The following MAP2 variants were observed in gnomAD, a reference collection of about 807,000 sequenced individuals.
The protein encoded by MAP2 is microtubule associated protein 2.
A neutral mutation model predicts 137.6 loss-of-function variants in MAP2; 14 were observed. The observed-to-expected ratio is 0.10, with a 90% CI of 0.07 to 0.16. MAP2 has a LOEUF of 0.16. Among genes scored for constraint, MAP2 ranks in the 10% least tolerant of loss-of-function variants. MAP2 has a pLI of 1.00. For synonymous variants in MAP2, 786 were observed against 782.3 expected (o/e 1.00, Z -0.08); for missense variants, 2,088 against 2,191.5 (o/e 0.95, Z 0.94).
intron 1 of MAP2, among the ~76,000 whole-genome samples, chr2:209,479,539 A>G (rs1268099615): frequency 6.6e-6 from 1 of 152,190 alleles, no homozygotes; most frequent in African/African-American, 2.4e-5. Context: ...CATGGTAGTT[A>G]GATTTGCTTC....
intron 1 of MAP2, among the ~76,000 whole-genome samples, chr2:209,495,919 C>G (rs1303185107): frequency 1.3e-5 from 2 of 152,122 alleles, no homozygotes; most frequent in Non-Finnish European, 2.9e-5. Flanking sequence ...ACTGCATCAC[C>G]TAGTCATTTT....
chr2:209,488,687 C>A (rs968530182), intron 1 of MAP2, among the ~76,000 whole-genome samples: 34 of 152,174 alleles, frequency 2.2e-4, no homozygotes, highest in Admixed American at 3.3e-4. Context: ...TTGGACTGGG[C>A]AGAGCCCACC....
intron 1 of MAP2, among the ~76,000 whole-genome samples, chr2:209,433,570 T>A (rs1195052713): frequency 6.6e-6 from 1 of 152,142 alleles, no homozygotes; most frequent in Admixed American, 6.6e-5. Flanking sequence ...AAAGCAGAAT[T>A]TTTTTAGAAT....
intron 5 of MAP2, among the ~76,000 whole-genome samples, chr2:209,658,112 C>T (rs1299744915): frequency 2.6e-5 from 4 of 152,170 alleles, no homozygotes; most frequent in African/African-American, 9.6e-5. Flanking sequence ...GGCCCAAACT[C>T]GTATTAGAAC....
chr2:209,493,906 C>A (rs1352695566), intron 1 of MAP2, among the ~76,000 whole-genome samples: 1 of 152,120 alleles, frequency 6.6e-6, no homozygotes, highest in Non-Finnish European at 1.5e-5. Context: ...CCAGGAATAC[C>A]ATTTGGCCCA....
intron 2 of MAP2, among the ~76,000 whole-genome samples, chr2:209,510,061 A>C (rs555189126): frequency 6.6e-6 from 1 of 151,752 alleles, no homozygotes; most frequent in Non-Finnish European, 1.5e-5. Context: ...TGAAATCTAG[A>C]AACAAGGAAG....
intron 2 of MAP2, among the ~76,000 whole-genome samples, chr2:209,566,757 A>C (rs2073508480): frequency 6.6e-6 from 1 of 151,880 alleles, no homozygotes; most frequent in Non-Finnish European, 1.5e-5. Flanking sequence ...TTTCTGTTGT[A>C]AGATAAGTTT....
chr2:209,709,704 G>A (rs780381236), intron 12 of MAP2, among the ~76,000 whole-genome samples: 1 of 151,948 alleles, frequency 6.6e-6, no homozygotes, highest in Non-Finnish European at 1.5e-5. Flanking sequence ...TCTTTGTGTT[G>A]ATAGCAATGC....
At chr2:209,522,604 T>C (rs1055689886) in intron 2 of MAP2, among the ~76,000 whole-genome samples, 89 of 152,134 alleles carry the variant, frequency 5.9e-4, no homozygotes, top group African/African-American at 2.0e-3. Context: ...TCAAAATAAT[T>C]AATATATGTA....
intron 1 of MAP2, among the ~76,000 whole-genome samples, chr2:209,426,083 T>G (rs1406429767): frequency 6.6e-6 from 1 of 152,234 alleles, no homozygotes; most frequent in Non-Finnish European, 1.5e-5. Flanking sequence ...CATCTGATTA[T>G]CATAGGTGTA....
intron 3 of MAP2, among the ~76,000 whole-genome samples, chr2:209,581,591 GA>G (rs932356074): frequency 4.6e-5 from 7 of 151,720 alleles, no homozygotes; most frequent in African/African-American, 1.5e-4. Context: ...ATGTTTGGTG[GA>G]AAAAAAATCT....
intron 4 of MAP2, among the ~76,000 whole-genome samples, chr2:209,640,552 C>CAAA (rs5838177): frequency 0.014 from 1,924 of 136,304 alleles, 36 homozygotes; most frequent in African/African-American, 0.045. Flanking sequence ...CAAAGAAATG[C>CAAA]AAAAAAAAAA....
intron 1 of MAP2, among the ~76,000 whole-genome samples, chr2:209,504,229 T>C (rs1241055653): frequency 6.6e-6 from 1 of 151,182 alleles, no homozygotes; most frequent in East Asian, 2.0e-4. Context: ...ATGGAATACA[T>C]AAAGAAGTCA....
At chr2:209,660,207 C>A (rs1276264099) in intron 5 of MAP2, among the ~76,000 whole-genome samples, 1 of 151,972 alleles carries the variant, frequency 6.6e-6, no homozygotes, top group Non-Finnish European at 1.5e-5. Flanking sequence ...CTATCCAGAC[C>A]TACCCACTGC....
At chr2:209,598,040 C>T (rs1331472628) in intron 3 of MAP2, among the ~76,000 whole-genome samples, 1 of 152,028 alleles carries the variant, frequency 6.6e-6, no homozygotes, top group Non-Finnish European at 1.5e-5. Context: ...GAGTCTTGCT[C>T]TGTCGCCCAG....
At chr2:209,683,540 G>A (rs1462115299) in intron 7 of MAP2, among the ~76,000 whole-genome samples, 1 of 140,860 alleles carries the variant, frequency 7.1e-6, no homozygotes, top group African/African-American at 3.1e-5. Flanking sequence ...TAATATACAA[G>A]TATTTTTTAA....
At chr2:209,542,461 G>C (rs764931664) in intron 2 of MAP2, among the ~76,000 whole-genome samples, 12 of 152,226 alleles carry the variant, frequency 7.9e-5, no homozygotes, top group Non-Finnish European at 1.5e-4. Context: ...TCTAACAGGA[G>C]AGTCAGCCTG....
intron 3 of MAP2, among the ~76,000 whole-genome samples, chr2:209,606,403 T>A (rs1580315423): frequency 6.6e-6 from 1 of 152,162 alleles, no homozygotes; most frequent in Non-Finnish European, 1.5e-5. Flanking sequence ...GGCTTGCACC[T>A]GTAATCCCAC....
rs1277399450 is a variant in MAP2 at position 209,435,400 on chromosome 2, TAGGACAATAGCAATATCAAAGGCACTG to T, written c.-222+11140_-222+11166del. On this transcript the variant is annotated intron_variant, in intron 1 of 15. Transcript: ENST00000682079. ...GTGTAGGTTTGGAAAAGCACCTAGA[TAGGACAATAGCAATATCAAAGGCACTG>T]AGGACAATAGCAATAGCAAAGGCAC... Among the ~76,000 whole-genome samples the T allele has an allele frequency of 5.9e-5, 9 of 151,720 alleles. No homozygotes were observed. In the East Asian group the frequency reaches 9.7e-4, roughly 16 times the overall value.
Sources: gnomAD v4.1 joint callset for allele counts (sites outside exome capture counted in the v4.1 genomes callset) on GRCh38, gnomAD v4.1.1 for gene constraint, MANE v1.5 for transcripts, NCBI Gene and HGNC (gene_info 2026-07-23, HGNC 2026-07-21) for gene names.